The following DOCK3 variants were observed in gnomAD, a reference collection of about 807,000 sequenced individuals.
DOCK3 encodes the protein dedicator of cytokinesis protein 3.
In DOCK3, 60 loss-of-function variants were observed where a neutral mutation model predicts 265.6. That is an observed-to-expected ratio of 0.23 (90% CI 0.18 to 0.28). DOCK3 has a LOEUF of 0.28. Among genes scored for constraint, DOCK3 ranks in the 10% least tolerant of loss-of-function variants. The pLI is 1.00. For missense variants in DOCK3, 1,981 were observed against 2,594.3 expected (o/e 0.76, Z 5.14); for synonymous variants, 881 against 938.0 (o/e 0.94, Z 1.11).
intron 5 of DOCK3, among the ~76,000 whole-genome samples, chr3:50,966,493 T>G (rs1224919058): frequency 6.7e-6 from 1 of 148,650 alleles, no homozygotes; most frequent in Non-Finnish European, 1.5e-5. Context: ...GTTTTTTTTT[T>G]TTTTCTTCCT....
At chr3:50,990,778 A>C (rs1165389602) in intron 5 of DOCK3, among the ~76,000 whole-genome samples, 1 of 152,106 alleles carries the variant, frequency 6.6e-6, no homozygotes, top group Non-Finnish European at 1.5e-5. Context: ...CTGGGAGGGT[A>C]AGCCAGTCTA....
intron 5 of DOCK3, among the ~76,000 whole-genome samples, chr3:51,040,016 A>C (rs901491488): frequency 7.3e-5 from 11 of 151,628 alleles, no homozygotes; most frequent in African/African-American, 2.7e-4. Flanking sequence ...TCATGTCTTT[A>C]AACCATCTGG....
chr3:50,756,096 C>G (rs1462305268), intron 1 of DOCK3, among the ~76,000 whole-genome samples: 7 of 152,176 alleles, frequency 4.6e-5, no homozygotes. Flanking sequence ...TCTGTTTCCC[C>G]TCCCTTGATT....
chr3:50,900,722 A>T (rs768205394), intron 4 of DOCK3: 1 of 450,778 alleles, frequency 2.2e-6, no homozygotes, highest in Non-Finnish European at 4.4e-6. Context: ...TTTCCTTCCA[A>T]TGGTCAGGCT....
intron 5 of DOCK3, among the ~76,000 whole-genome samples, chr3:51,061,898 T>C (rs2081423956): frequency 6.6e-6 from 1 of 152,140 alleles, no homozygotes; most frequent in Non-Finnish European, 1.5e-5. Context: ...TTAAACTTAG[T>C]TTCCTTCTTC....
chr3:50,998,782 A>G (rs2078369918), intron 5 of DOCK3, among the ~76,000 whole-genome samples: 1 of 152,204 alleles, frequency 6.6e-6, no homozygotes, highest in East Asian at 1.9e-4. Flanking sequence ...ATACAAAACA[A>G]AAGTTTAAAA....
At chr3:50,966,584 G>T (rs187426664) in intron 5 of DOCK3, among the ~76,000 whole-genome samples, 153 of 142,312 alleles carry the variant, frequency 1.1e-3, no homozygotes, top group Admixed American at 1.9e-3. Flanking sequence ...TTTATTTGAT[G>T]ATTAGTGATA....
At chr3:50,853,558 G>A (rs1349312882) in intron 3 of DOCK3, among the ~76,000 whole-genome samples, 1 of 152,034 alleles carries the variant, frequency 6.6e-6, no homozygotes, top group Admixed American at 6.6e-5. Flanking sequence ...GTGAGAACTT[G>A]TGGTATTTTT....
chr3:51,257,532 A>T (rs533682670), intron 22 of DOCK3, among the ~76,000 whole-genome samples: 133 of 152,280 alleles, frequency 8.7e-4, no homozygotes, highest in African/African-American at 3.1e-3. Context: ...AGGGGGTGTC[A>T]TTGTGGGTTT....
chr3:50,815,526 C>G (rs2044024561), intron 2 of DOCK3, among the ~76,000 whole-genome samples: 1 of 152,126 alleles, frequency 6.6e-6, no homozygotes, highest in Non-Finnish European at 1.5e-5. Context: ...CTTCCTAGGT[C>G]CTATTCTAAA....
At chr3:50,686,135 T>G (rs1448786238) in intron 1 of DOCK3, among the ~76,000 whole-genome samples, 2 of 151,966 alleles carry the variant, frequency 1.3e-5, no homozygotes, top group African/African-American at 4.8e-5. Context: ...GTAGAATCAA[T>G]GGGAGCCCTG....
chr3:51,149,156 A>G (rs1560127350), intron 10 of DOCK3, among the ~76,000 whole-genome samples: 2 of 152,172 alleles, frequency 1.3e-5, no homozygotes, highest in African/African-American at 2.4e-5. Flanking sequence ...TTATTGGTGT[A>G]GAGGAATGCT....
intron 5 of DOCK3, among the ~76,000 whole-genome samples, chr3:51,004,060 T>C (rs2078576651): frequency 6.6e-6 from 1 of 152,146 alleles, no homozygotes; most frequent in African/African-American, 2.4e-5. Context: ...TGAAATACCC[T>C]CCACTTGAGT....
intron 4 of DOCK3, among the ~76,000 whole-genome samples, chr3:50,898,050 A>G (rs2048980673): frequency 8.3e-6 from 1 of 121,112 alleles, no homozygotes; most frequent in African/African-American, 3.2e-5. Context: ...TGTAGAAGGA[A>G]TGGTACCAGC....
At chr3:51,082,606 A>G (rs766770913) in intron 7 of DOCK3, among the ~76,000 whole-genome samples, 1 of 152,196 alleles carries the variant, frequency 6.6e-6, no homozygotes, top group Non-Finnish European at 1.5e-5. Flanking sequence ...AACACATTCA[A>G]GAGGCCTGGG....
rs1441269593 is a variant in DOCK3 at position 51,064,563 on chromosome 3, G to A, written c.431G>A (p.Arg144Gln). ...LTQDQVREVK[R>Q]HITVRLDWGN... ...CAGGATCAGGTGCGGGAGGTTAAGC[G>A]GCACATCACCGTGCGCCTGGACTGG... Residue 144 changes from arginine to glutamine, a missense_variant, in exon 6 of 53, where the codon CGG (arginine) becomes CAG (glutamine). By Grantham distance (43) the Arg-to-Gln change is conservative. Transcript: ENST00000266037. 5.0e-6 allele frequency: 8 copies of A among 1,613,938 alleles called. No individual in the cohort carries two copies. The highest frequency in any genetic ancestry group is 1.1e-5 in the South Asian group (1 of 91,084).
At chr3:51,255,829 AG>A (rs2079516545) in intron 22 of DOCK3, among the ~76,000 whole-genome samples, 1 of 152,142 alleles carries the variant, frequency 6.6e-6, no homozygotes, top group African/African-American at 2.4e-5. Flanking sequence ...AGCTCGGAGA[AG>A]TTTGTTATTA....
At chr3:51,031,042 G>T (rs545547234) in intron 5 of DOCK3, among the ~76,000 whole-genome samples, 3 of 152,244 alleles carry the variant, frequency 2.0e-5, no homozygotes, top group African/African-American at 7.2e-5. Context: ...TTTTTCATAT[G>T]TTTTAGCTGT....
chr3:51,132,337 T>A (rs573391882), intron 9 of DOCK3, among the ~76,000 whole-genome samples: 1 of 152,286 alleles, frequency 6.6e-6, no homozygotes, highest in African/African-American at 2.4e-5. Flanking sequence ...GCAGTTCTTT[T>A]CAAGTGTAGC....
Sources: gnomAD v4.1 joint callset for allele counts (sites outside exome capture counted in the v4.1 genomes callset) on GRCh38, gnomAD v4.1.1 for gene constraint, MANE v1.5 for transcripts, NCBI Gene and HGNC (gene_info 2026-07-23, HGNC 2026-07-21) for gene names.